AQP7B: variants seen among roughly 807,000 people sequenced by gnomAD.
The protein encoded by AQP7B is putative aquaporin-7B.
chr2:94,595,492 G>C, the AQP7B span, among the ~76,000 whole-genome samples: 2 of 152,044 alleles, frequency 1.3e-5, no homozygotes, highest in Non-Finnish European at 2.9e-5. Flanking sequence ...TTGATGATTG[G>C]GCTCTGATAA....
At chr2:94,591,750 G>T in the AQP7B span, among the ~76,000 whole-genome samples, 2 of 152,008 alleles carry the variant, frequency 1.3e-5, no homozygotes, top group African/African-American at 2.4e-5. Context: ...TCAGTCCTAC[G>T]CCCAGAGTGA....
At chr2:94,602,317 G>C in the AQP7B span, among the ~76,000 whole-genome samples, 3 of 151,948 alleles carry the variant, frequency 2.0e-5, no homozygotes, top group Non-Finnish European at 4.4e-5. Context: ...CAGGGGCAAG[G>C]AGAGGAGGCA....
chr2:94,597,005 C>T, the AQP7B span, among the ~76,000 whole-genome samples: 1 of 152,174 alleles, frequency 6.6e-6, no homozygotes, highest in African/African-American at 2.4e-5. Flanking sequence ...TGGCCCACAA[C>T]TTTAGCTTCC....
the AQP7B span, chr2:94,602,961 A>G: frequency 4.8e-6 from 7 of 1,453,070 alleles, no homozygotes; most frequent in Middle Eastern, 2.4e-4. Flanking sequence ...CACACTAGCC[A>G]TCGTTGTTCT....
chr2:94,599,298 C>T, the AQP7B span, among the ~76,000 whole-genome samples: 1 of 152,064 alleles, frequency 6.6e-6, no homozygotes. Flanking sequence ...TATCCTGGAT[C>T]CAAAGCCAGC....
the AQP7B span, chr2:94,604,408 G>A: frequency 1.9e-6 from 3 of 1,611,532 alleles, no homozygotes; most frequent in South Asian, 3.3e-5. Context: ...TGAAATTGGA[G>A]GACTCTGTGG....
At chr2:94,602,397 G>C in the AQP7B span, 1 of 1,295,146 alleles carries the variant, frequency 7.7e-7, no homozygotes, top group Middle Eastern at 2.9e-4. Flanking sequence ...GGGAGGCCCA[G>C]GGCATGGGGG....
the AQP7B span, among the ~76,000 whole-genome samples, chr2:94,599,333 G>T: frequency 6.6e-6 from 1 of 152,016 alleles, no homozygotes; most frequent in African/African-American, 2.4e-5. Context: ...CCCTGCTTCT[G>T]TCCTGGGGCT....
the AQP7B span, among the ~76,000 whole-genome samples, chr2:94,597,035 C>G: frequency 1.3e-5 from 2 of 152,134 alleles, no homozygotes; most frequent in Non-Finnish European, 2.9e-5. Context: ...AACAGGAGGA[C>G]TTGTGTGAAG....
At chr2:94,602,492 G>C in the AQP7B span, 1 of 1,603,924 alleles carries the variant, frequency 6.2e-7, no homozygotes, top group African/African-American at 1.3e-5. Context: ...TCCCTTGTAG[G>C]TATTCGGCCT....
At chr2:94,598,799 T>G in the AQP7B span, among the ~76,000 whole-genome samples, 1 of 152,140 alleles carries the variant, frequency 6.6e-6, no homozygotes, top group African/African-American at 2.4e-5. Context: ...TCACCCAGTA[T>G]TTTATTTTAT....
chr2:94,599,081 C>T, the AQP7B span, among the ~76,000 whole-genome samples: 3 of 152,180 alleles, frequency 2.0e-5, no homozygotes, highest in Non-Finnish European at 2.9e-5. Context: ...GGATTACAGG[C>T]GTGAGCCAAC....
the AQP7B span, chr2:94,604,140 G>T: frequency 5.5e-5 from 45 of 823,672 alleles, no homozygotes; most frequent in South Asian, 3.1e-4. Flanking sequence ...CCTGAATCGG[G>T]CTGAGGCTGA....
the AQP7B span, chr2:94,603,368 T>C: frequency 6.3e-7 from 1 of 1,595,984 alleles, no homozygotes; most frequent in South Asian, 1.1e-5. Context: ...CGCATGATAG[T>C]CTGTGTCTCC....
chr2:94,590,760 T>C, the AQP7B span, among the ~76,000 whole-genome samples: 3 of 151,298 alleles, frequency 2.0e-5, no homozygotes, highest in South Asian at 2.1e-4. Context: ...TTGGGTAACA[T>C]GGCAAAACCC....
At chr2:94,590,659 G>A in the AQP7B span, among the ~76,000 whole-genome samples, 1 of 152,088 alleles carries the variant, frequency 6.6e-6, no homozygotes, top group African/African-American at 2.4e-5. Flanking sequence ...GGGTTAGTAA[G>A]CCACCGGGCA....
the AQP7B span, among the ~76,000 whole-genome samples, chr2:94,589,785 A>C: frequency 6.6e-6 from 1 of 151,670 alleles, no homozygotes; most frequent in Non-Finnish European, 1.5e-5. Context: ...GCCCCCCACA[A>C]GTCCACTCCT....
the AQP7B span, chr2:94,602,576 G>C: frequency 4.2e-5 from 68 of 1,600,826 alleles, no homozygotes; most frequent in Admixed American, 4.0e-4. Flanking sequence ...TTTTGGCTTC[G>C]GGGTCACCAT....
the AQP7B span, among the ~76,000 whole-genome samples, chr2:94,600,588 T>A: frequency 6.6e-6 from 1 of 151,868 alleles, no homozygotes; most frequent in African/African-American, 2.4e-5. Flanking sequence ...ATTGAAAAAA[T>A]TAGCTGGGAT....
Sources: gnomAD v4.1 joint callset for allele counts (sites outside exome capture counted in the v4.1 genomes callset) on GRCh38, gnomAD v4.1.1 for gene constraint, MANE v1.5 for transcripts, NCBI Gene and HGNC (gene_info 2026-07-23, HGNC 2026-07-21) for gene names.